SCAF11: variants seen among roughly 807,000 people sequenced by gnomAD.
SCAF11 encodes the protein SR-related CTD associated factor 11, also known as protein SCAF11.
A neutral mutation model predicts 140.5 loss-of-function variants in SCAF11; 47 were observed. That is an observed-to-expected ratio of 0.33 (90% CI 0.26 to 0.43). SCAF11 has a LOEUF of 0.43. SCAF11 is among the 20% of genes least tolerant of loss of function. The pLI is 1.00. For missense variants in SCAF11, 1,645 were observed against 1,705.1 expected, an observed-to-expected ratio of 0.96 and a Z score of 0.62; for synonymous variants, 557 against 579.4, an observed-to-expected ratio of 0.96 and a Z score of 0.55.
intron 11 of SCAF11, among the ~76,000 whole-genome samples, chr12:45,925,890 A>G (rs1422182185): frequency 1.3e-5 from 2 of 152,208 alleles, no homozygotes; most frequent in Non-Finnish European, 2.9e-5. Context: ...AAACTCTTCT[A>G]TTGTAGCAAA....
intron 6 of SCAF11, among the ~76,000 whole-genome samples, chr12:45,939,888 G>A (rs1945255022): frequency 6.6e-6 from 1 of 152,162 alleles, no homozygotes; most frequent in African/African-American, 2.4e-5. Context: ...CAGTGTAACT[G>A]GGTAAATAAA....
At chr12:45,989,231 A>T (rs187821358) in intron 1 of SCAF11, among the ~76,000 whole-genome samples, 1 of 152,386 alleles carries the variant, frequency 6.6e-6, no homozygotes, top group Non-Finnish European at 1.5e-5. Context: ...TGTAGAAATT[A>T]ATTTTTCTTT....
chr12:45,922,493 A>G lies in SCAF11; in HGVS notation c.4215T>C (p.Tyr1405=), dbSNP rs752431624. 1.2e-6 allele frequency: 2 copies of G among 1,604,850 alleles called. No individual in the cohort carries two copies. The highest frequency in any genetic ancestry group is 2.2e-5 in the East Asian group (1 of 44,566). Residue 1405 remains tyrosine (Y), a synonymous_variant, in exon 14 of 15, where the codon TAT becomes TAC. Coordinates refer to ENST00000369367, the MANE Select transcript of SCAF11 (RefSeq NM_004719.3). ...CTACTGCTTTCCGTACAATTTCTTT[A>G]TATTCTTCCTTGGTGATATCTTTAT... The part of the protein sequence containing the change: ...YQNKDITKEE[Y]KEIVRKAVDK...
chr12:45,968,916 AC>A (rs1946010148), intron 1 of SCAF11, among the ~76,000 whole-genome samples: 1 of 152,152 alleles, frequency 6.6e-6, no homozygotes, highest in South Asian at 2.1e-4. Flanking sequence ...ACAGAGCGAG[AC>A]TCCATCTTAA....
intron 1 of SCAF11, among the ~76,000 whole-genome samples, chr12:45,983,973 T>A (rs1175254752): frequency 6.6e-6 from 1 of 152,218 alleles, no homozygotes; most frequent in African/African-American, 2.4e-5. Flanking sequence ...AGAACACTTT[T>A]AATTTTCACT....
intron 5 of SCAF11, among the ~76,000 whole-genome samples, chr12:45,946,208 TG>T (rs1945419758): frequency 6.6e-6 from 1 of 152,218 alleles, no homozygotes; most frequent in African/African-American, 2.4e-5. Flanking sequence ...ACCACTGCAA[TG>T]CCTTCTTTGG....
At chr12:45,945,132 C>G in intron 6 of SCAF11, 117 bp downstream of exon 6, 1 of 700,340 alleles carries the variant, frequency 1.4e-6, no homozygotes, top group Admixed American at 2.6e-5. Context: ...ACACAATGTA[C>G]AGAGTTCTGA....
intron 3 of SCAF11, chr12:45,955,039 A>T (rs1945652243): frequency 6.6e-6 from 1 of 152,176 alleles, no homozygotes. Flanking sequence ...ACAAGAAAAA[A>T]AAGTAGTAGT....
At chr12:45,978,364 C>T (rs1000666318) in intron 1 of SCAF11, among the ~76,000 whole-genome samples, 1 of 152,158 alleles carries the variant, frequency 6.6e-6, no homozygotes, top group African/African-American at 2.4e-5. Flanking sequence ...AAGGGCAAAC[C>T]TAAAGCTCTC....
At chr12:45,939,874 T>G (rs771538193) in intron 6 of SCAF11, among the ~76,000 whole-genome samples, 14 of 152,262 alleles carry the variant, frequency 9.2e-5, no homozygotes, top group Non-Finnish European at 1.9e-4. Flanking sequence ...TCATGGTTTC[T>G]GTTCAGTGTA....
At position 45,968,772 on chromosome 12, in the gene SCAF11, C is replaced by T. The variant is rs568020109; in HGVS notation, c.-21-4584G>A. Among the ~76,000 whole-genome samples, 109 of 152,188 alleles carry T rather than the reference C, an allele frequency of 7.2e-4. 1 individual carries two copies. The South Asian group carries it at 0.021, about 30-fold the overall frequency. ...CCTGACCAACACGGTGAAACCCCGT[C>T]GCTACTAAAAATACAAAAAATTAGC... On this transcript the variant is annotated intron_variant, in intron 1 of 14. Transcript: ENST00000369367.
At chr12:45,925,229 T>G (rs1408477849) in intron 11 of SCAF11, among the ~76,000 whole-genome samples, 155 bp from the exon 12 acceptor site, 1 of 152,182 alleles carries the variant, frequency 6.6e-6, no homozygotes, top group Non-Finnish European at 1.5e-5. Context: ...TCCTGTCATT[T>G]CTAAATAATG....
Position 45,926,424 on chromosome 12 carries a change from T to G in SCAF11, c.3277A>C (p.Asn1093His). 6.2e-7 allele frequency: 1 copy of G among 1,614,218 alleles called. No individual in the cohort carries two copies. The highest frequency in any genetic ancestry group is 1.1e-5 in the South Asian group (1 of 91,080). The change falls in exon 11 of 15, where the codon AAT (asparagine) becomes CAT (histidine). Residue 1093 changes from asparagine to histidine, a missense_variant. Asn to His is a moderately conservative substitution (Grantham distance 68). Transcript: ENST00000369367. ...TTTCGATTTTGCCACCGATTTTCAT[T>G]CTGATCTTTATAGGCAAAACTACTT... ...YRSSFAYKDQ[N>H]ENRWQNRKPL...
chr12:45,951,608 T>A (rs1156686206), intron 4 of SCAF11, 42 bp downstream of exon 4: 1 of 1,309,242 alleles, frequency 7.6e-7, no homozygotes, highest in Non-Finnish European at 1.1e-6. Flanking sequence ...ACAGCTTCAA[T>A]TAATTTTTAT....
At chr12:45,939,897 A>G (rs935521487) in intron 6 of SCAF11, among the ~76,000 whole-genome samples, 7 of 152,194 alleles carry the variant, frequency 4.6e-5, no homozygotes, top group African/African-American at 1.7e-4. Flanking sequence ...TGGGTAAATA[A>G]AGATGTATTC....
intron 3 of SCAF11, chr12:45,953,679 A>G: frequency 6.3e-6 from 1 of 159,096 alleles, no homozygotes; most frequent in Non-Finnish European, 1.4e-5. Flanking sequence ...GTGGTAATAA[A>G]TGAAAATTTG....
Position 45,926,454 on chromosome 12 carries a change from A to T in SCAF11, c.3247T>A (p.Tyr1083Asn), listed in dbSNP as rs1261195989. ...TCTTTATAGGCAAAACTACTTCTGT[A>T]AGTGCCTCTGCCACGGTTGCCTCTG... is the stretch of plus-strand genomic sequence containing the variant. ...RGRGNRGRGT[Y>N]RSSFAYKDQN... The change falls in exon 11 of 15, where the codon TAC (tyrosine) becomes AAC (asparagine). Residue 1083 changes from tyrosine to asparagine, a missense_variant. Transcript: ENST00000369367. 1 of 1,614,242 alleles carries T rather than the reference A, an allele frequency of 6.2e-7. No individual in the cohort carries two copies. The highest frequency in any genetic ancestry group is 8.5e-7 in the Non-Finnish European group (1 of 1,180,034).
chr12:45,982,300 A>T (rs1187495745), intron 1 of SCAF11, among the ~76,000 whole-genome samples: 2 of 152,194 alleles, frequency 1.3e-5, no homozygotes, highest in Non-Finnish European at 2.9e-5. Context: ...ATAGCTTATA[A>T]ATTTTTTGAG....
intron 3 of SCAF11, among the ~76,000 whole-genome samples, chr12:45,959,722 AT>A (rs1945780227): frequency 6.6e-6 from 1 of 152,164 alleles, no homozygotes; most frequent in African/African-American, 2.4e-5. Flanking sequence ...AGTCTACATG[AT>A]TTTTTTAGCC....
Sources: allele counts gnomAD v4.1 joint callset (sites outside exome capture counted in the v4.1 genomes callset), GRCh38; gene constraint gnomAD v4.1.1; transcripts MANE v1.5; gene names NCBI Gene and HGNC (gene_info 2026-07-23, HGNC 2026-07-21).